The following GABRB3 variants were observed in gnomAD, a reference collection of about 807,000 sequenced individuals.
GABRB3 encodes the protein gamma-aminobutyric acid receptor subunit beta-3.
Under a neutral mutation model 52.1 loss-of-function variants are expected in GABRB3, and 14 were observed. That is an observed-to-expected ratio of 0.27 (90% CI 0.18 to 0.42). GABRB3 has a LOEUF of 0.42. Ranked by LOEUF, GABRB3 falls within the 10% of genes least tolerant of loss-of-function variation. GABRB3 has a pLI of 1.00. For missense variants in GABRB3, 307 were observed against 609.1 expected, an observed-to-expected ratio of 0.50 and a Z score of 5.22; for synonymous variants, 260 against 232.3, an observed-to-expected ratio of 1.12 and a Z score of -1.08.
At chr15:26,661,512 C>T (rs1362371977) in intron 3 of GABRB3, among the ~76,000 whole-genome samples, 1 of 152,168 alleles carries the variant, frequency 6.6e-6, no homozygotes, top group Non-Finnish European at 1.5e-5. Context: ...TCATCATATT[C>T]ACTCGTCAGC....
chr15:26,668,433 T>C (rs545552295), intron 3 of GABRB3, among the ~76,000 whole-genome samples: 6 of 152,224 alleles, frequency 3.9e-5, no homozygotes, highest in Non-Finnish European at 5.9e-5. Flanking sequence ...CTGCAGCCCC[T>C]GCCTAGGGCC....
At chr15:26,675,096 T>C (rs575233946) in intron 3 of GABRB3, among the ~76,000 whole-genome samples, 71 of 152,286 alleles carry the variant, frequency 4.7e-4, no homozygotes, top group African/African-American at 1.7e-3. Context: ...AGTCCCTGGG[T>C]CTCTTAATGA....
chr15:26,602,808 A>G (rs1891637622), intron 4 of GABRB3, among the ~76,000 whole-genome samples: 1 of 152,112 alleles, frequency 6.6e-6, no homozygotes, highest in Non-Finnish European at 1.5e-5. Context: ...GTCTACATCA[A>G]AAAAGAAAAA....
intron 3 of GABRB3, among the ~76,000 whole-genome samples, chr15:26,622,625 C>A (rs754378214): frequency 3.9e-5 from 6 of 152,202 alleles, no homozygotes; most frequent in Non-Finnish European, 8.8e-5. Context: ...GAGAGCAAAT[C>A]GGTTGAAGAA....
chr15:26,582,410 C>G (rs1890820089), intron 5 of GABRB3, among the ~76,000 whole-genome samples: 1 of 152,214 alleles, frequency 6.6e-6, no homozygotes, highest in Non-Finnish European at 1.5e-5. Context: ...GGGAAATCAT[C>G]TTTTCCCTGA....
intron 3 of GABRB3, among the ~76,000 whole-genome samples, chr15:26,678,522 G>A (rs1157440726): frequency 6.6e-6 from 1 of 152,048 alleles, no homozygotes; most frequent in African/African-American, 2.4e-5. Context: ...GAAAGCCAGA[G>A]GGAGAAAGAG....
intron 4 of GABRB3, among the ~76,000 whole-genome samples, chr15:26,604,125 G>A (rs1189357326): frequency 6.6e-6 from 1 of 151,940 alleles, no homozygotes; most frequent in Non-Finnish European, 1.5e-5. Flanking sequence ...TATGGCAACA[G>A]TGAACAATCT....
At chr15:26,631,718 T>C (rs1028085287) in intron 3 of GABRB3, among the ~76,000 whole-genome samples, 2 of 152,214 alleles carry the variant, frequency 1.3e-5, no homozygotes, top group African/African-American at 4.8e-5. Flanking sequence ...TTTTGGAAAT[T>C]CCAATCTATT....
At chr15:26,551,459 A>G (rs999062589) in intron 8 of GABRB3, among the ~76,000 whole-genome samples, 1 of 152,142 alleles carries the variant, frequency 6.6e-6, no homozygotes, top group Non-Finnish European at 1.5e-5. Context: ...CTCGAGACAC[A>G]CACGGCATGC....
intron 3 of GABRB3, among the ~76,000 whole-genome samples, chr15:26,689,639 G>C (rs1041975212): frequency 6.6e-6 from 1 of 152,046 alleles, no homozygotes; most frequent in Non-Finnish European, 1.5e-5. Context: ...AAAAGGTGAG[G>C]CAGAGGACAC....
At chr15:26,770,908 T>C (rs569219795) in intron 3 of GABRB3, among the ~76,000 whole-genome samples, 11 of 152,348 alleles carry the variant, frequency 7.2e-5, no homozygotes, top group Admixed American at 2.6e-4. Flanking sequence ...CATGTTAATT[T>C]TTACTGTAAG....
intron 6 of GABRB3, among the ~76,000 whole-genome samples, chr15:26,572,246 G>A (rs1160984997): frequency 6.6e-6 from 1 of 152,128 alleles, no homozygotes; most frequent in African/African-American, 2.4e-5. Context: ...TTCAGAACTG[G>A]CCTCCATAAA....
intron 3 of GABRB3, among the ~76,000 whole-genome samples, chr15:26,695,967 G>A (rs1888725496): frequency 6.6e-6 from 1 of 152,164 alleles, no homozygotes; most frequent in African/African-American, 2.4e-5. Flanking sequence ...TTCTTCCACG[G>A]TAGGTTTAAG....
intron 4 of GABRB3, among the ~76,000 whole-genome samples, chr15:26,596,276 C>A (rs979019691): frequency 1.3e-5 from 2 of 151,982 alleles, no homozygotes; most frequent in Non-Finnish European, 2.9e-5. Flanking sequence ...TACGAACAAA[C>A]AGTTATAAAT....
rs988532310 is a variant in GABRB3 at position 26,772,875 on chromosome 15, G to T, written c.80+8C>A. ...GCCCGCCGCCCGCCGGCCCACCCGC[G>T]ACCCTACCTCTGGGCGCAGCACACC... On this transcript the variant is annotated splice_region_variant and intron_variant, in intron 1 of 8. Coordinates refer to ENST00000311550, the MANE Select transcript of GABRB3 (RefSeq NM_000814.6). 9 of 1,466,832 alleles carry T rather than the reference G, an allele frequency of 6.1e-6. No homozygotes were observed. Among genetic ancestry groups the T allele is most frequent in the Non-Finnish European group, 8.1e-6 (9 of 1,106,072 alleles). The allele number at this position is 1,466,832 out of a possible 1,614,324, so 90.9% of individuals were successfully genotyped here.
At chr15:26,624,568 A>G (rs1228801213) in intron 3 of GABRB3, 1 of 985,340 alleles carries the variant, frequency 1.0e-6, no homozygotes, top group Non-Finnish European at 1.2e-6. Context: ...CACCACCAGC[A>G]GCGCCTCTCA....
At chr15:26,630,685 C>T (rs1343262369) in intron 3 of GABRB3, among the ~76,000 whole-genome samples, 1 of 152,154 alleles carries the variant, frequency 6.6e-6, no homozygotes, top group Non-Finnish European at 1.5e-5. Context: ...GCCATTTATT[C>T]ATCTTGGCTT....
At chr15:26,665,107 TTAAAG>T (rs1887669335) in intron 3 of GABRB3, among the ~76,000 whole-genome samples, 1 of 152,224 alleles carries the variant, frequency 6.6e-6, no homozygotes, top group Non-Finnish European at 1.5e-5. Context: ...CATTTTAAAA[TTAAAG>T]TATTTAAAAT....
chr15:26,772,845 GC>G (rs1384367324), intron 1 of GABRB3, 37 bp downstream of exon 1: 26 of 1,452,822 alleles, frequency 1.8e-5, no homozygotes, highest in Non-Finnish European at 2.4e-5. Flanking sequence ...CGCACCCCGC[GC>G]CCTGCCCGCC....
Sources: gnomAD v4.1 joint callset for allele counts (sites outside exome capture counted in the v4.1 genomes callset) on GRCh38, gnomAD v4.1.1 for gene constraint, MANE v1.5 for transcripts, NCBI Gene and HGNC (gene_info 2026-07-23, HGNC 2026-07-21) for gene names.